The following AKAP19 variants were observed in gnomAD, a reference collection of about 807,000 sequenced individuals.
The protein encoded by AKAP19 is A-kinase anchoring protein 19, also known as small A-kinase anchoring protein.
chr2:190,127,368 A>G, the AKAP19 span, among the ~76,000 whole-genome samples: 1 of 151,846 alleles, frequency 6.6e-6, no homozygotes, highest in African/African-American at 2.4e-5. Context: ...TCCTCCTCCA[A>G]CCGCACATCC....
At chr2:190,159,487 G>A in the AKAP19 span, among the ~76,000 whole-genome samples, 1 of 152,214 alleles carries the variant, frequency 6.6e-6, no homozygotes, top group African/African-American at 2.4e-5. Context: ...TTCAGGACAT[G>A]CCCTACTTCA....
chr2:190,059,023 T>C, the AKAP19 span, among the ~76,000 whole-genome samples: 13 of 151,604 alleles, frequency 8.6e-5, no homozygotes, highest in African/African-American at 2.7e-4. Context: ...TATACACATA[T>C]ATATAATAAA....
the AKAP19 span, among the ~76,000 whole-genome samples, chr2:190,151,689 C>G: frequency 1.3e-5 from 2 of 152,168 alleles, no homozygotes; most frequent in Non-Finnish European, 2.9e-5. Context: ...ACTATCCAGA[C>G]TTTGATTTAT....
At chr2:190,077,025 A>C in the AKAP19 span, among the ~76,000 whole-genome samples, 1 of 151,104 alleles carries the variant, frequency 6.6e-6, no homozygotes, top group Non-Finnish European at 1.5e-5. Context: ...GGTACAACTG[A>C]TTTTTTTTTC....
At chr2:189,899,207 T>A in the AKAP19 span, among the ~76,000 whole-genome samples, 1 of 152,308 alleles carries the variant, frequency 6.6e-6, no homozygotes, top group African/African-American at 2.4e-5. Flanking sequence ...TTGATTTCCC[T>A]AAACAAATTG....
At chr2:189,987,288 C>T in the AKAP19 span, among the ~76,000 whole-genome samples, 2 of 152,150 alleles carry the variant, frequency 1.3e-5, no homozygotes, top group Non-Finnish European at 2.9e-5. Context: ...TAAAGAAATG[C>T]CTTTTGCCTC....
the AKAP19 span, among the ~76,000 whole-genome samples, chr2:190,014,544 T>G: frequency 6.6e-6 from 1 of 152,196 alleles, no homozygotes; most frequent in Admixed American, 6.5e-5. Context: ...TGGGTGCAGA[T>G]GCAAAGCCTA....
the AKAP19 span, among the ~76,000 whole-genome samples, chr2:189,883,706 C>T: frequency 1.3e-5 from 2 of 152,068 alleles, no homozygotes; most frequent in African/African-American, 4.8e-5. Context: ...ACTCCTTCAT[C>T]TCTATCTCCT....
the AKAP19 span, among the ~76,000 whole-genome samples, chr2:190,187,110 T>C: frequency 2.0e-5 from 3 of 151,760 alleles, no homozygotes; most frequent in African/African-American, 7.3e-5. Flanking sequence ...TTTTAATGAA[T>C]TGGTATTTTT....
At chr2:190,108,006 G>T in the AKAP19 span, among the ~76,000 whole-genome samples, 1 of 152,162 alleles carries the variant, frequency 6.6e-6, no homozygotes, top group Non-Finnish European at 1.5e-5. Context: ...CATTTGCCAT[G>T]CAACTCTTCT....
the AKAP19 span, among the ~76,000 whole-genome samples, chr2:189,996,345 T>A: frequency 6.6e-6 from 1 of 152,188 alleles, no homozygotes; most frequent in African/African-American, 2.4e-5. Flanking sequence ...ACCTTCCCTT[T>A]AAGCTCTGAA....
the AKAP19 span, chr2:190,180,802 G>A: frequency 2.0e-6 from 2 of 985,310 alleles, no homozygotes; most frequent in Non-Finnish European, 2.4e-6. This position sits in a 1 kb window ranked among gnomAD's most constrained non-coding sequence, Gnocchi z 6.8. Flanking sequence ...GGCGGGCGCG[G>A]CGGCGACGGC....
the AKAP19 span, among the ~76,000 whole-genome samples, chr2:189,933,065 T>G: frequency 3.3e-5 from 5 of 152,328 alleles, no homozygotes; most frequent in African/African-American, 1.2e-4. Context: ...AATGTTTAAT[T>G]TGGGCAGATA....
At chr2:189,966,203 G>C in the AKAP19 span, among the ~76,000 whole-genome samples, 3 of 149,358 alleles carry the variant, frequency 2.0e-5, no homozygotes, top group Admixed American at 1.4e-4. Flanking sequence ...GGGTGAGAAG[G>C]GGGTGAGGGA....
the AKAP19 span, chr2:190,060,233 C>T: frequency 1.4e-5 from 23 of 1,612,964 alleles, no homozygotes; most frequent in Admixed American, 1.0e-4. Flanking sequence ...TGTCAAGTTT[C>T]AGAGATCGGA....
At chr2:189,893,959 A>G in the AKAP19 span, among the ~76,000 whole-genome samples, 1 of 152,296 alleles carries the variant, frequency 6.6e-6, no homozygotes, top group Non-Finnish European at 1.5e-5. Flanking sequence ...TCCAGACATC[A>G]TAGGCATTAC....
chr2:190,049,532 A>T, the AKAP19 span, among the ~76,000 whole-genome samples: 1 of 152,260 alleles, frequency 6.6e-6, no homozygotes, highest in Non-Finnish European at 1.5e-5. Flanking sequence ...ACCCACATGC[A>T]GTGTGGCTTC....
the AKAP19 span, chr2:190,200,005 AAGGAACCTCC>A: frequency 6.2e-7 from 1 of 1,614,100 alleles, no homozygotes; most frequent in Non-Finnish European, 8.5e-7. Flanking sequence ...AGAGGAAGTG[AAGGAACCTCC>A]AGGGACCAAT....
At chr2:189,942,821 A>G in the AKAP19 span, among the ~76,000 whole-genome samples, 8 of 152,362 alleles carry the variant, frequency 5.3e-5, no homozygotes, top group East Asian at 1.5e-3. Context: ...TGGACTTCAT[A>G]GTGATGATTT....
Sources: gnomAD v4.1 joint callset for allele counts (sites outside exome capture counted in the v4.1 genomes callset) on GRCh38, gnomAD v4.1.1 for gene constraint, Gnocchi (gnomAD v3.1) non-coding constraint, MANE v1.5 for transcripts, NCBI Gene and HGNC (gene_info 2026-07-23, HGNC 2026-07-21) for gene names.